Variants in LGI1 observed in about 807,000 individuals in gnomAD.
LGI1 encodes the protein leucine rich glioma inactivated 1.
LGI1 carries 11 observed loss-of-function variants against 57.7 expected under a neutral mutation model. That is an observed-to-expected ratio of 0.19 (90% CI 0.12 to 0.32). The LOEUF is 0.32. Ranked by LOEUF, LGI1 falls within the 10% of genes least tolerant of loss-of-function variation. The pLI, the probability that LGI1 is intolerant of heterozygous loss-of-function variation, is 1.00. For synonymous variants in LGI1, 222 were observed against 241.9 expected (o/e 0.92, Z 0.76); for missense variants, 422 against 661.9 (o/e 0.64, Z 3.98).
chr10:93,787,762 T>C (rs1317638211), intron 4 of LGI1, among the ~76,000 whole-genome samples: 2 of 151,924 alleles, frequency 1.3e-5, no homozygotes, highest in Non-Finnish European at 2.9e-5. Flanking sequence ...AAAAACTTAG[T>C]TGGGCATGGT....
In LGI1 at chr10:93,758,221, T is replaced by C; in HGVS notation, c.77T>C (p.Leu26Ser). The change falls in exon 1 of 8, where the codon TTA becomes TCA. Residue 26 changes from leucine (L) to serine (S), a missense_variant. Physicochemically the swap from Leu to Ser is moderately radical, Grantham distance 145 (BLOSUM62 -2). Around this residue, in one of 3 missense-constraint regions of LGI1, gnomAD observed 58 missense variants for 61.8 expected, o/e 0.94. Transcript: ENST00000371418. The surrounding 1 kb of genome is among the most constrained non-coding windows in gnomAD (Gnocchi z 4.7). ...AGAATTGCTTATTTCCTATGTCTCT[T>C]ATCTGCGCTTTTGCTGACTGAGGGG... ...LKRIAYFLCL[L>S]SALLLTEGKK... is the part of the protein sequence containing the mutation. The C allele has an allele frequency of 6.2e-7, 1 of 1,614,186 alleles. No individual in the cohort carries two copies. Among genetic ancestry groups the C allele is most frequent in the Non-Finnish European group, 8.5e-7 (1 of 1,180,026 alleles).
intron 2 of LGI1, among the ~76,000 whole-genome samples, chr10:93,765,894 C>T (rs1027987602): frequency 6.6e-6 from 1 of 150,426 alleles, no homozygotes; most frequent in Non-Finnish European, 1.5e-5. Flanking sequence ...GGCGTGAACC[C>T]AGGAGGCGGA....
At chr10:93,787,434 A>G (rs11187666) in intron 4 of LGI1, among the ~76,000 whole-genome samples, 24,501 of 152,132 alleles carry the variant, frequency 0.16, 4,910 homozygotes, top group African/African-American at 0.48. Flanking sequence ...ATTCTGGTGA[A>G]TTAGAAGCCC....
At chr10:93,777,878 T>G (rs914516327) in intron 4 of LGI1, among the ~76,000 whole-genome samples, 2 of 152,244 alleles carry the variant, frequency 1.3e-5, no homozygotes, top group African/African-American at 4.8e-5. Flanking sequence ...CTGAAATAAC[T>G]TCTTTTATTA....
intron 4 of LGI1, among the ~76,000 whole-genome samples, 188 bp downstream of exon 4, chr10:93,777,805 T>G (rs2059807257): frequency 6.6e-6 from 1 of 152,216 alleles, no homozygotes; most frequent in Non-Finnish European, 1.5e-5. Flanking sequence ...TGATTACTAT[T>G]AATATTTTTA....
At chr10:93,765,499 A>G (rs1208770511) in intron 2 of LGI1, 1 of 152,180 alleles carries the variant, frequency 6.6e-6, no homozygotes, top group African/African-American at 2.4e-5. Context: ...CCTCATTTTT[A>G]GGGGAAGGTG....
At chr10:93,769,678 C>A (rs958544550) in intron 2 of LGI1, 1 of 152,202 alleles carries the variant, frequency 6.6e-6, no homozygotes, top group African/African-American at 2.4e-5. Flanking sequence ...TGTAAACATA[C>A]AATAATAACT....
At chr10:93,783,213 A>T (rs1382495236) in intron 4 of LGI1, among the ~76,000 whole-genome samples, 1 of 152,008 alleles carries the variant, frequency 6.6e-6, no homozygotes, top group East Asian at 1.9e-4. Flanking sequence ...CATCTCTACT[A>T]AAAATACAAA....
At chr10:93,779,203 G>C (rs2059823285) in intron 4 of LGI1, among the ~76,000 whole-genome samples, 1 of 151,246 alleles carries the variant, frequency 6.6e-6, no homozygotes, top group Non-Finnish European at 1.5e-5. Flanking sequence ...AAATCCACTA[G>C]ATTCACATAC....
intron 2 of LGI1, chr10:93,769,638 A>T (rs1303020174): frequency 6.6e-6 from 1 of 152,248 alleles, no homozygotes; most frequent in African/African-American, 2.4e-5. Context: ...CTATTTTAAC[A>T]GATGATGAAA....
chr10:93,789,969 A>G, intron 4 of LGI1, 130 bp from the exon 5 acceptor site: 2 of 900,278 alleles, frequency 2.2e-6, no homozygotes, highest in South Asian at 3.2e-5. Context: ...GTTCAGAAGA[A>G]AAAAAAAGGA....
intron 2 of LGI1, chr10:93,767,128 GTTTCAAAAGCCC>G (rs1481800036): frequency 1.3e-5 from 2 of 152,204 alleles, no homozygotes; most frequent in Non-Finnish European, 2.9e-5. Context: ...ACTGAAAGGA[GTTTCAAAAGCCC>G]TTTGAAAGAG....
intron 4 of LGI1, among the ~76,000 whole-genome samples, chr10:93,780,044 A>G (rs528434420): frequency 6.6e-6 from 1 of 152,354 alleles, no homozygotes; most frequent in African/African-American, 2.4e-5. Context: ...CATGCTTTAC[A>G]AGGAGTAGGG....
intron 2 of LGI1, among the ~76,000 whole-genome samples, chr10:93,759,633 G>A (rs1450881369): frequency 6.6e-6 from 1 of 152,200 alleles, no homozygotes; most frequent in Non-Finnish European, 1.5e-5. Flanking sequence ...GTATCAGGTC[G>A]CAGACTTGGT....
intron 4 of LGI1, among the ~76,000 whole-genome samples, chr10:93,777,992 A>G (rs527851563): frequency 1.4e-4 from 22 of 152,316 alleles, no homozygotes; most frequent in Middle Eastern, 3.4e-3. Context: ...ATTTAAACAT[A>G]ATATAGCCAC....
intron 4 of LGI1, among the ~76,000 whole-genome samples, chr10:93,780,920 C>A (rs2059841489): frequency 6.6e-6 from 1 of 152,174 alleles, no homozygotes; most frequent in Admixed American, 6.5e-5. Flanking sequence ...CAGCTGGTTC[C>A]CACTCTGGCC....
chr10:93,759,640 TG>T (rs1296262681), intron 2 of LGI1, among the ~76,000 whole-genome samples: 1 of 152,190 alleles, frequency 6.6e-6, no homozygotes, highest in Non-Finnish European at 1.5e-5. Context: ...GTCGCAGACT[TG>T]GTTTGTAGCT....
At chr10:93,771,640 A>G (rs2059741953) in intron 2 of LGI1, 1 of 152,218 alleles carries the variant, frequency 6.6e-6, no homozygotes, top group African/African-American at 2.4e-5. Context: ...CCATGTAACA[A>G]AACTACACTT....
In LGI1 at chr10:93,796,951, C is replaced by G. The variant is rs369265617; in HGVS notation, c.839-17C>G. The G allele has an allele frequency of 7.5e-6, 12 of 1,593,728 alleles. No individual in the cohort carries two copies. The highest frequency in any genetic ancestry group is 1.0e-5 in the Non-Finnish European group (12 of 1,162,764). On this transcript the variant is annotated splice_polypyrimidine_tract_variant and intron_variant, in intron 7 of 7. Transcript: ENST00000371418. ...GAGGATGGCCACACAACTAATCTCT[C>G]CTTTGTCTTTTCCCAGGCACATCCA... is the stretch of plus-strand genomic sequence containing the variant.
Sources: gnomAD v4.1 joint callset for allele counts (sites outside exome capture counted in the v4.1 genomes callset) on GRCh38, gnomAD v4.1.1 for gene constraint, gnomAD v4.1.1 regional missense constraint, Gnocchi (gnomAD v3.1) non-coding constraint, MANE v1.5 for transcripts, NCBI Gene and HGNC (gene_info 2026-07-23, HGNC 2026-07-21) for gene names.